RBFOX1: variants seen among roughly 807,000 people sequenced by gnomAD.
RBFOX1 encodes the protein RNA binding fox-1 homolog 1.
A neutral mutation model predicts 57.7 loss-of-function variants in RBFOX1; 8 were observed. That is an observed-to-expected ratio of 0.14 (90% confidence interval 0.08 to 0.25). The LOEUF is 0.25. Among genes scored for constraint, RBFOX1 ranks in the 10% least tolerant of loss-of-function variants. The pLI is 1.00. For synonymous variants in RBFOX1, 326 were observed against 222.4 expected (o/e 1.47, Z -4.15); for missense variants, 611 against 548.5 (o/e 1.11, Z -1.14).
At chr16:7,347,842 G>A (rs2097047049) in intron 4 of RBFOX1, among the ~76,000 whole-genome samples, 1 of 152,210 alleles carries the variant, frequency 6.6e-6, no homozygotes, top group East Asian at 1.9e-4. Context: ...GTAGGATGTA[G>A]CTGGTTGTGA....
rs1567968572 is a variant in RBFOX1, at chr16:6,936,810, G to A, written c.-15-115247G>A. Among the ~76,000 whole-genome samples, 2 of 151,714 alleles carry A rather than the reference G, an allele frequency of 1.3e-5. 1 individual carries two copies. The highest frequency in any genetic ancestry group is 4.2e-4 in the South Asian group (2 of 4,790). On this transcript the variant is annotated intron_variant, in intron 3 of 15. Transcript: ENST00000550418. The stretch of plus-strand genomic sequence containing the variant: ...CCTCTTGAAAGCCTGTGCCCAAAAC[G>A]CTTTAAAGAGGTTCTTTCCGAATGC...
chr16:6,441,902 G>C (rs8052524), intron 2 of RBFOX1, among the ~76,000 whole-genome samples: 33,671 of 151,910 alleles, frequency 0.22, 4,040 homozygotes, highest in East Asian at 0.43. Context: ...AGGCAGCAGT[G>C]GTCAGCGTGG....
chr16:7,654,303 C>A (rs2065803691), intron 12 of RBFOX1, among the ~76,000 whole-genome samples: 1 of 152,178 alleles, frequency 6.6e-6, no homozygotes, highest in Non-Finnish European at 1.5e-5. Context: ...ACATTTGCCC[C>A]TTGAATTCCT....
intron 4 of RBFOX1, among the ~76,000 whole-genome samples, chr16:7,466,892 T>C (rs944479125): frequency 2.0e-5 from 3 of 152,164 alleles, no homozygotes; most frequent in African/African-American, 7.2e-5. Flanking sequence ...TGACCAGGAA[T>C]GGTCTCTATG....
At chr16:7,371,483 C>A (rs1204169743) in intron 4 of RBFOX1, among the ~76,000 whole-genome samples, 1 of 152,190 alleles carries the variant, frequency 6.6e-6, no homozygotes, top group African/African-American at 2.4e-5. Flanking sequence ...GGTGCGGTGG[C>A]TCACGCCTGT....
At chr16:5,676,309 A>G (rs1232688410) in intron 3 of RBFOX1, among the ~76,000 whole-genome samples, 2 of 152,152 alleles carry the variant, frequency 1.3e-5, no homozygotes, top group Non-Finnish European at 2.9e-5. Context: ...TTGTGTATCC[A>G]TTCATCTATA....
chr16:6,643,283 C>T (rs2098507197), intron 2 of RBFOX1, among the ~76,000 whole-genome samples: 1 of 152,160 alleles, frequency 6.6e-6, no homozygotes, highest in South Asian at 2.1e-4. Context: ...CATCTGCTGG[C>T]CATTTGTGAT....
At chr16:6,887,886 T>C (rs2064480706) in intron 3 of RBFOX1, among the ~76,000 whole-genome samples, 1 of 152,122 alleles carries the variant, frequency 6.6e-6, no homozygotes, top group Non-Finnish European at 1.5e-5. Flanking sequence ...GGTCTCGAAC[T>C]CCAGACTTCA....
chr16:5,983,141 G>A (rs2060207693), intron 4 of RBFOX1, among the ~76,000 whole-genome samples: 1 of 152,284 alleles, frequency 6.6e-6, no homozygotes, highest in East Asian at 1.9e-4. Flanking sequence ...CATTCTCCCA[G>A]CTCTGCGTCC....
At chr16:7,204,998 A>G (rs570101968) in intron 4 of RBFOX1, among the ~76,000 whole-genome samples, 2 of 152,248 alleles carry the variant, frequency 1.3e-5, no homozygotes, top group Non-Finnish European at 2.9e-5. Flanking sequence ...TCTTTATCCT[A>G]CACTCTCTTT....
intron 1 of RBFOX1, among the ~76,000 whole-genome samples, chr16:6,102,558 T>C (rs951210927): frequency 6.6e-6 from 1 of 152,034 alleles, no homozygotes; most frequent in Admixed American, 6.6e-5. Flanking sequence ...ATTCTCTCTC[T>C]CTCTCCACCC....
intron 3 of RBFOX1, among the ~76,000 whole-genome samples, chr16:6,838,193 G>A (rs751757540): frequency 2.7e-4 from 40 of 150,682 alleles, no homozygotes; most frequent in Middle Eastern, 3.2e-3. Flanking sequence ...CCTAGCCCCC[G>A]ACAGGCCCCA....
chr16:5,408,896 C>A (rs887608115), intron 1 of RBFOX1, among the ~76,000 whole-genome samples: 1 of 152,214 alleles, frequency 6.6e-6, no homozygotes. Flanking sequence ...GAGGGTGTTA[C>A]ACCATTCATG....
At chr16:5,489,007 T>A (rs4464083) in intron 2 of RBFOX1, among the ~76,000 whole-genome samples, 1 of 152,080 alleles carries the variant, frequency 6.6e-6, no homozygotes, top group Non-Finnish European at 1.5e-5. Context: ...TCCCTTTCTG[T>A]CATTTTCTGC....
At chr16:6,784,703 T>A (rs889492461) in intron 3 of RBFOX1, among the ~76,000 whole-genome samples, 22 of 152,134 alleles carry the variant, frequency 1.4e-4, no homozygotes, top group African/African-American at 5.1e-4. Flanking sequence ...GATTTTTTTT[T>A]TTTATAAAGG....
At chr16:5,811,937 C>T (rs1176569012) in intron 3 of RBFOX1, among the ~76,000 whole-genome samples, 1 of 152,314 alleles carries the variant, frequency 6.6e-6, no homozygotes, top group Non-Finnish European at 1.5e-5. Context: ...TCTCCCTCAA[C>T]CTCCAGCTCC....
intron 4 of RBFOX1, among the ~76,000 whole-genome samples, chr16:5,974,424 C>T: frequency 1.3e-5 from 2 of 151,904 alleles, no homozygotes; most frequent in East Asian, 1.9e-4. Context: ...GCCTGGCCAA[C>T]ATGGTGAAAC....
rs559445378 is a variant in RBFOX1, at chr16:6,106,168, T to A, written c.-127+86176T>A. Reference sequence around the variant, plus strand: ...ATTGACTTCTTTATCAAGAATCAGGTAGTTTTGGCCGGGCCCAGTAGCTCC... The same window carrying A: ...ATTGACTTCTTTATCAAGAATCAGGAAGTTTTGGCCGGGCCCAGTAGCTCC... On this transcript the variant is annotated intron_variant, in intron 1 of 15. Transcript: ENST00000550418. Among the ~76,000 whole-genome samples, 6 of 152,168 alleles carry A rather than the reference T, an allele frequency of 3.9e-5. No homozygotes were observed. The East Asian group carries it at 9.6e-4, about 24-fold the overall frequency.
intron 3 of RBFOX1, among the ~76,000 whole-genome samples, chr16:6,858,352 A>C (rs532789699): frequency 6.6e-6 from 1 of 152,266 alleles, no homozygotes; most frequent in South Asian, 2.1e-4. Flanking sequence ...ATACAGGAAA[A>C]AGCAGAGCAG....
Sources: allele counts gnomAD v4.1 joint callset (sites outside exome capture counted in the v4.1 genomes callset), GRCh38; gene constraint gnomAD v4.1.1; transcripts MANE v1.5; gene names NCBI Gene and HGNC (gene_info 2026-07-23, HGNC 2026-07-21).